CALN1: variants seen among roughly 807,000 people sequenced by gnomAD.
CALN1 encodes calcium-binding protein 8.
Under a neutral mutation model 30.6 loss-of-function variants are expected in CALN1, and 17 were observed. That is an observed-to-expected ratio of 0.56 (90% confidence interval 0.38 to 0.83). CALN1 has a LOEUF of 0.83. Among genes scored for constraint, CALN1 ranks in the 40% least tolerant of loss-of-function variants. The probability of loss-of-function intolerance (pLI) is 0.00; values close to 1 mark genes in which losing one functional copy is unlikely to be tolerated. For synonymous variants in CALN1, 156 were observed against 131.4 expected (o/e 1.19, Z -1.28); for missense variants, 291 against 354.9 (o/e 0.82, Z 1.45).
At chr7:72,341,867 T>C (rs1159414650) in intron 2 of CALN1, among the ~76,000 whole-genome samples, 1 of 151,910 alleles carries the variant, frequency 6.6e-6, no homozygotes, top group East Asian at 1.9e-4. Flanking sequence ...TACAAGTGAA[T>C]AGTCAACACA....
chr7:72,097,027 G>A (rs1425867149), intron 4 of CALN1, among the ~76,000 whole-genome samples: 1 of 152,116 alleles, frequency 6.6e-6, no homozygotes, highest in Non-Finnish European at 1.5e-5. Context: ...GATGAAGCTG[G>A]AAACCATCAT....
At chr7:72,092,541 T>C (rs1024817584) in intron 4 of CALN1, among the ~76,000 whole-genome samples, 1 of 147,606 alleles carries the variant, frequency 6.8e-6, no homozygotes, top group African/African-American at 2.5e-5. Context: ...GAGTCTCCCA[T>C]AATAATTGTG....
At chr7:72,386,110 TGGA>T (rs1321969901) in intron 2 of CALN1, among the ~76,000 whole-genome samples, 3 of 152,166 alleles carry the variant, frequency 2.0e-5, no homozygotes, top group Non-Finnish European at 4.4e-5. Context: ...GTTGAAGAGG[TGGA>T]GCAGAGGCAT....
intron 4 of CALN1, among the ~76,000 whole-genome samples, chr7:72,088,029 G>T (rs908689998): frequency 2.0e-5 from 3 of 152,118 alleles, no homozygotes; most frequent in Non-Finnish European, 4.4e-5. Context: ...TTTGCCAGGT[G>T]TGGTTGCACG....
At chr7:72,268,331 A>C (rs945704281) in intron 3 of CALN1, among the ~76,000 whole-genome samples, 4 of 150,888 alleles carry the variant, frequency 2.7e-5, no homozygotes, top group African/African-American at 9.8e-5. Context: ...TGAAGCAGAC[A>C]AAAAAAAAGA....
chr7:72,357,541 C>A (rs931770679), intron 2 of CALN1, among the ~76,000 whole-genome samples: 1 of 151,872 alleles, frequency 6.6e-6, no homozygotes, highest in African/African-American at 2.4e-5. Flanking sequence ...CTGCCTTGAT[C>A]TTACCATGAG....
chr7:71,851,083 G>A (rs1191484550), intron 5 of CALN1, among the ~76,000 whole-genome samples: 1 of 152,052 alleles, frequency 6.6e-6, no homozygotes, highest in Non-Finnish European at 1.5e-5. Context: ...AGGCACGGTG[G>A]TGCACACCTG....
In CALN1 at chr7:71,902,225, A is replaced by AAACCAACC. The variant is rs374649403; in HGVS notation, c.502-91741_502-91734dup. The stretch of plus-strand genomic sequence containing the variant: ...GGTGACAATGCGAGACTCCGTCTCA[A>AAACCAACC]AACCAACCAACCAACCAACCAACCA... On this transcript the variant is annotated intron_variant, in intron 5 of 6. Coordinates refer to ENST00000395275, the MANE Select transcript of CALN1 (RefSeq NM_031468.4). Among the ~76,000 whole-genome samples the AAACCAACC allele has an allele frequency of 7.9e-4, 115 of 144,968 alleles. 1 individual carries two copies. The highest frequency in any genetic ancestry group is 2.2e-3 in the African/African-American group (85 of 37,790).
intron 5 of CALN1, among the ~76,000 whole-genome samples, chr7:72,009,671 A>C (rs73187055): frequency 0.026 from 3,965 of 152,328 alleles, 85 homozygotes; most frequent in Non-Finnish European, 0.041. Context: ...AGATCATTGA[A>C]TCATAGGGGT....
At chr7:72,322,991 A>G (rs1800998420) in intron 2 of CALN1, among the ~76,000 whole-genome samples, 1 of 151,338 alleles carries the variant, frequency 6.6e-6, no homozygotes, top group Admixed American at 6.6e-5. Flanking sequence ...GGAACAGAAA[A>G]AGGACAGGGG....
Position 71,841,069 on chromosome 7 carries a change from C to T in CALN1, c.502-30577G>A, listed in dbSNP as rs527757232. 2.6e-5 allele frequency among the ~76,000 whole-genome samples: 4 copies of T among 152,222 alleles called. No homozygotes were observed. In the East Asian group the frequency reaches 7.7e-4, roughly 29 times the overall value. ...AGACGTTTTGCAAACAACCAGAAAT[C>T]CTTCCAAACTGAGTTAGGTAACAAA... On this transcript the variant is annotated intron_variant, in intron 5 of 6. Transcript: ENST00000395275.
chr7:72,409,202 G>A (rs1806930700), intron 1 of CALN1, among the ~76,000 whole-genome samples: 1 of 151,272 alleles, frequency 6.6e-6, no homozygotes, highest in Non-Finnish European at 1.5e-5. Flanking sequence ...CACCATCTTG[G>A]CCAGGCTGGT....
intron 5 of CALN1, among the ~76,000 whole-genome samples, chr7:71,912,973 G>T (rs1201822970): frequency 6.6e-6 from 1 of 152,156 alleles, no homozygotes; most frequent in Non-Finnish European, 1.5e-5. Context: ...GAGAAGCCTG[G>T]GGTGCTAAGC....
intron 2 of CALN1, among the ~76,000 whole-genome samples, chr7:72,319,864 G>A (rs1466078114): frequency 3.3e-5 from 5 of 152,010 alleles, no homozygotes; most frequent in Admixed American, 3.3e-4. Context: ...TAGGAGGGTG[G>A]GAGGGGATGA....
At chr7:72,144,104 G>A (rs1431228531) in intron 3 of CALN1, among the ~76,000 whole-genome samples, 6 of 152,246 alleles carry the variant, frequency 3.9e-5, no homozygotes, top group Admixed American at 1.3e-4. Context: ...CATAATGACA[G>A]GATCAGATTC....
At chr7:72,069,831 T>C (rs574388408) in intron 4 of CALN1, among the ~76,000 whole-genome samples, 1 of 152,332 alleles carries the variant, frequency 6.6e-6, no homozygotes, top group African/African-American at 2.4e-5. Context: ...CTATGGTTTA[T>C]GCATAAGCAA....
chr7:72,185,136 T>C (rs934391562), intron 3 of CALN1, among the ~76,000 whole-genome samples: 2 of 151,936 alleles, frequency 1.3e-5, no homozygotes, highest in Admixed American at 1.3e-4. Flanking sequence ...TGTGAGAAAT[T>C]TGCAATTTGT....
intron 2 of CALN1, among the ~76,000 whole-genome samples, chr7:72,302,161 G>C (rs773946587): frequency 3.3e-5 from 5 of 152,070 alleles, no homozygotes; most frequent in Non-Finnish European, 7.4e-5. Context: ...CAAGAGAACA[G>C]AGACCACGGA....
chr7:72,448,426 C>T (rs547672211), upstream of CALN1, among the ~76,000 whole-genome samples: 5 of 152,184 alleles, frequency 3.3e-5, no homozygotes, highest in South Asian at 2.1e-4. Context: ...GCCTCAGAGA[C>T]CCCCTTCCCA....
Sources: gnomAD v4.1 joint callset for allele counts (sites outside exome capture counted in the v4.1 genomes callset) on GRCh38, gnomAD v4.1.1 for gene constraint, MANE v1.5 for transcripts, NCBI Gene and HGNC (gene_info 2026-07-23, HGNC 2026-07-21) for gene names.